Variants in ANO10 observed in about 807,000 individuals in gnomAD.
ANO10 encodes anoctamin-10.
In ANO10, 77 loss-of-function variants were observed where a neutral mutation model predicts 74.7. The ratio of observed to expected loss-of-function variants is 1.03; its 90% CI spans 0.86 to 1.25. The LOEUF (loss-of-function observed/expected upper bound fraction) is 1.25, where lower values mean the gene tolerates loss of function less well. ANO10 is among the 50% of genes most tolerant of loss of function. The pLI is 0.00. For synonymous variants in ANO10, 279 were observed against 284.9 expected (o/e 0.98, Z 0.21); for missense variants, 721 against 778.1 (o/e 0.93, Z 0.87).
chr3:43,602,923 A>C (rs1486851940), intron 2 of ANO10, among the ~76,000 whole-genome samples: 1 of 152,166 alleles, frequency 6.6e-6, no homozygotes, highest in Non-Finnish European at 1.5e-5. Flanking sequence ...TTGATTTTTC[A>C]GTTTTAAGCA....
At chr3:43,429,104 G>A (rs1358921859) in intron 12 of ANO10, among the ~76,000 whole-genome samples, 1 of 152,050 alleles carries the variant, frequency 6.6e-6, no homozygotes, top group African/African-American at 2.4e-5. Context: ...GACTTGAGAG[G>A]TCATTTAGCC....
chr3:43,464,336 C>T (rs546201831), intron 11 of ANO10, among the ~76,000 whole-genome samples: 1 of 152,250 alleles, frequency 6.6e-6, no homozygotes, highest in East Asian at 1.9e-4. Context: ...ATTAGAACAT[C>T]AAATCCAGCA....
chr3:43,469,145 C>T (rs1008634793), intron 11 of ANO10, among the ~76,000 whole-genome samples: 14 of 142,428 alleles, frequency 9.8e-5, no homozygotes, highest in African/African-American at 3.1e-4. Context: ...CAGGTTCAAG[C>T]GATTCTCCTG....
At chr3:43,606,483 T>G (rs1469763116) in intron 1 of ANO10, among the ~76,000 whole-genome samples, 1 of 151,910 alleles carries the variant, frequency 6.6e-6, no homozygotes, top group Non-Finnish European at 1.5e-5. Flanking sequence ...GGTAGGGAGC[T>G]ATTACAGATC....
At chr3:43,543,633 C>T (rs1049265343) in intron 11 of ANO10, among the ~76,000 whole-genome samples, 4 of 152,162 alleles carry the variant, frequency 2.6e-5, no homozygotes, top group South Asian at 2.1e-4. Flanking sequence ...GTGATCTGCC[C>T]GCTTCGGCCT....
intron 12 of ANO10, among the ~76,000 whole-genome samples, chr3:43,428,404 G>A (rs2092930041): frequency 6.6e-6 from 1 of 152,092 alleles, no homozygotes; most frequent in Non-Finnish European, 1.5e-5. Context: ...ATTTAGTGGA[G>A]ACAGGGAGGG....
At position 43,462,904 on chromosome 3, in the gene ANO10, C is replaced by T. The variant is rs1366185678; in HGVS notation, c.1798-30177G>A. Among the ~76,000 whole-genome samples, 5 of 152,226 alleles carry T rather than the reference C, an allele frequency of 3.3e-5. No individual in the cohort carries two copies. The East Asian group carries it at 7.7e-4, about 23-fold the overall frequency. On this transcript the variant is annotated intron_variant, in intron 11 of 12. Coordinates refer to ENST00000292246, the MANE Select transcript of ANO10 (RefSeq NM_018075.5). ...AGGCCATGGCTTCAGAGGGTGCAAG[C>T]CCCAAGCCTTGGCACCTTCCACGTG... is the stretch of plus-strand genomic sequence containing the variant.
intron 11 of ANO10, among the ~76,000 whole-genome samples, chr3:43,534,405 A>T (rs2078606669): frequency 1.3e-5 from 2 of 152,108 alleles, no homozygotes; most frequent in Non-Finnish European, 2.9e-5. Flanking sequence ...GGCCATCTGA[A>T]TGCCTTCTGT....
chr3:43,449,064 A>T (rs2074725238), intron 11 of ANO10, among the ~76,000 whole-genome samples: 1 of 151,670 alleles, frequency 6.6e-6, no homozygotes, highest in Non-Finnish European at 1.5e-5. Context: ...TTTAATAGAG[A>T]CTGGGTTTCA....
In ANO10 at chr3:43,366,863, G is replaced by C; in HGVS notation, c.*43C>G. 1 of 1,547,078 alleles carries C rather than the reference G, an allele frequency of 6.5e-7. No individual in the cohort carries two copies. The highest frequency in any genetic ancestry group is 8.8e-7 in the Non-Finnish European group (1 of 1,141,146). ...CTGCCACCGTGGCAGGTGTGGCACAGACACAGGCCTCTGCCAACAGGGCAG... is the reference window on the plus strand; with the variant it reads ...CTGCCACCGTGGCAGGTGTGGCACACACACAGGCCTCTGCCAACAGGGCAG... On this transcript the variant is annotated 3_prime_UTR_variant, in exon 13 of 13. Transcript: ENST00000292246.
At chr3:43,612,684 G>A (rs2082887719) in intron 1 of ANO10, among the ~76,000 whole-genome samples, 1 of 152,176 alleles carries the variant, frequency 6.6e-6, no homozygotes, top group South Asian at 2.1e-4. Context: ...AAACTCAAGG[G>A]AACAATCACA....
In ANO10 at chr3:43,366,070, C is replaced by G. The variant is rs2091403629; in HGVS notation, c.*836G>C. 1 of 152,764 alleles carries G rather than the reference C, an allele frequency of 6.5e-6. No homozygotes were observed. The highest frequency in any genetic ancestry group is 1.5e-5 in the Non-Finnish European group (1 of 68,456). 9.5% of individuals were successfully genotyped at this position (152,764 alleles called of 1,614,324 possible). A position where few individuals can be genotyped will look rare whatever the true frequency, so the allele number is the denominator to read the frequency against. ...GCCCTTTTCTCTGCAAGCCCAAGCC[C>G]AGGCCAGGGCACCAGGAGTGGCTGC... On this transcript the variant is annotated 3_prime_UTR_variant, in exon 13 of 13. Transcript: ENST00000292246.
At chr3:43,647,520 C>G (rs1270880584) in intron 1 of ANO10, among the ~76,000 whole-genome samples, 2 of 152,090 alleles carry the variant, frequency 1.3e-5, no homozygotes, top group Non-Finnish European at 2.9e-5. Flanking sequence ...GAGCAAATTC[C>G]TCTCTACTCA....
intron 12 of ANO10, among the ~76,000 whole-genome samples, chr3:43,403,247 G>T (rs1400636056): frequency 6.6e-6 from 1 of 152,236 alleles, no homozygotes; most frequent in Non-Finnish European, 1.5e-5. Context: ...AGGTGCCACA[G>T]ATATTTTAAA....
Position 43,473,387 on chromosome 3 carries a change from A to T in ANO10, c.1798-40660T>A, listed in dbSNP as rs1187071567. Among the ~76,000 whole-genome samples, 5 of 151,602 alleles carry T rather than the reference A, an allele frequency of 3.3e-5. No homozygotes were observed. In the East Asian group the frequency reaches 9.7e-4, roughly 29 times the overall value. On this transcript the variant is annotated intron_variant, in intron 11 of 12. Transcript: ENST00000292246. ...CTCACTGCTAGGCTCCTGCCACGTC[A>T]CTCTACTTGCTCCCCTTGCCTACCA...
intron 7 of ANO10, among the ~76,000 whole-genome samples, chr3:43,566,974 A>G (rs921214758): frequency 2.0e-5 from 3 of 152,212 alleles, no homozygotes; most frequent in African/African-American, 7.2e-5. Context: ...TAACCAATAC[A>G]GAGAAGTGCT....
intron 11 of ANO10, among the ~76,000 whole-genome samples, chr3:43,466,314 T>G (rs1366005721): frequency 7.3e-6 from 1 of 137,080 alleles, no homozygotes; most frequent in Non-Finnish European, 1.5e-5. Context: ...GAGGTGGCAG[T>G]GAGCCGAGAT....
chr3:43,657,483 G>A (rs746445403), intron 1 of ANO10, among the ~76,000 whole-genome samples: 1 of 152,112 alleles, frequency 6.6e-6, no homozygotes, highest in Non-Finnish European at 1.5e-5. Context: ...CCTTTAAATC[G>A]TTGGATTGCA....
chr3:43,559,437 G>T (rs2079918256), intron 9 of ANO10, among the ~76,000 whole-genome samples: 1 of 152,126 alleles, frequency 6.6e-6, no homozygotes, highest in African/African-American at 2.4e-5. Context: ...AAGAGAAGTA[G>T]GAAACTAAAG....
Sources: gnomAD v4.1 joint callset for allele counts (sites outside exome capture counted in the v4.1 genomes callset) on GRCh38, gnomAD v4.1.1 for gene constraint, MANE v1.5 for transcripts, NCBI Gene and HGNC (gene_info 2026-07-23, HGNC 2026-07-21) for gene names.